ITGA1: variants seen among roughly 807,000 people sequenced by gnomAD.
ITGA1 encodes integrin subunit alpha 1.
A neutral mutation model predicts 145.9 loss-of-function variants in ITGA1; 85 were observed. The ratio of observed to expected loss-of-function variants is 0.58; its 90% CI spans 0.49 to 0.70. The LOEUF (loss-of-function observed/expected upper bound fraction) is 0.70. Among genes scored for constraint, ITGA1 ranks in the 30% least tolerant of loss-of-function variants. The probability of loss-of-function intolerance (pLI) is 0.00; values close to 1 mark genes in which losing one functional copy is unlikely to be tolerated. For missense variants in ITGA1, 1,351 were observed against 1,418.7 expected (o/e 0.95, Z 0.77); for synonymous variants, 520 against 495.3 (o/e 1.05, Z -0.66).
chr5:52,817,537 A>G (rs1580044917), intron 1 of ITGA1, among the ~76,000 whole-genome samples: 1 of 152,248 alleles, frequency 6.6e-6, no homozygotes, highest in East Asian at 1.9e-4. Context: ...GGCCATGTAG[A>G]GATTATCTTC....
intron 8 of ITGA1, 123 bp from the exon 9 acceptor site, chr5:52,893,552 A>C: frequency 2.7e-6 from 2 of 754,236 alleles, no homozygotes; most frequent in Admixed American, 6.5e-5. Context: ...TAAATATGAA[A>C]GTACATAAAA....
intron 7 of ITGA1, among the ~76,000 whole-genome samples, chr5:52,884,871 A>G (rs772816334): frequency 8.5e-5 from 13 of 152,294 alleles, no homozygotes; most frequent in South Asian, 2.1e-4. Flanking sequence ...GACACCAACT[A>G]GAGTTTATGC....
intron 6 of ITGA1, among the ~76,000 whole-genome samples, chr5:52,877,862 G>A (rs1749891918): frequency 6.6e-6 from 1 of 152,216 alleles, no homozygotes; most frequent in Non-Finnish European, 1.5e-5. Context: ...TAGGAATGCA[G>A]GGACACAGTT....
chr5:52,928,768 T>C (rs1489898595), intron 20 of ITGA1, among the ~76,000 whole-genome samples: 1 of 152,208 alleles, frequency 6.6e-6, no homozygotes, highest in Non-Finnish European at 1.5e-5. Flanking sequence ...GTTGACTTTA[T>C]AGAGAGAAAA....
chr5:52,912,750 A>ATG (rs1290275331), intron 14 of ITGA1, among the ~76,000 whole-genome samples: 3 of 144,722 alleles, frequency 2.1e-5, no homozygotes, highest in African/African-American at 8.0e-5. Flanking sequence ...GTATATATAT[A>ATG]TATATTTTTT....
At chr5:52,920,668 A>C (rs1407925946) in intron 17 of ITGA1, among the ~76,000 whole-genome samples, 200 bp downstream of exon 17, 1 of 152,218 alleles carries the variant, frequency 6.6e-6, no homozygotes, top group Non-Finnish European at 1.5e-5. Flanking sequence ...AACTATCTCT[A>C]GTCTTCCCTG....
intron 18 of ITGA1, among the ~76,000 whole-genome samples, chr5:52,923,966 A>G (rs778134331): frequency 3.9e-5 from 6 of 152,192 alleles, no homozygotes; most frequent in Non-Finnish European, 7.3e-5. Context: ...TGCTCTGAGA[A>G]TAGAAATGAG....
chr5:52,893,974 A>T, intron 9 of ITGA1, 134 bp downstream of exon 9: 1 of 619,058 alleles, frequency 1.6e-6, no homozygotes, highest in Admixed American at 3.0e-5. Flanking sequence ...CTAGCATGGA[A>T]CAATGCTCTT....
At chr5:52,790,463 A>G (rs551246100) in intron 1 of ITGA1, among the ~76,000 whole-genome samples, 155 of 152,332 alleles carry the variant, frequency 1.0e-3, no homozygotes, top group African/African-American at 3.7e-3. Flanking sequence ...GGCTAGAATC[A>G]AGATGTCACC....
chr5:52,876,141 G>T (rs932049316), intron 6 of ITGA1, among the ~76,000 whole-genome samples: 1 of 152,010 alleles, frequency 6.6e-6, no homozygotes, highest in African/African-American at 2.4e-5. Flanking sequence ...TCATCACTTG[G>T]CTCACTTTTT....
intron 2 of ITGA1, among the ~76,000 whole-genome samples, chr5:52,855,568 C>T (rs1410029483): frequency 6.6e-6 from 1 of 151,976 alleles, no homozygotes; most frequent in Non-Finnish European, 1.5e-5. Context: ...AGCTTATATT[C>T]TACTGGGGAA....
intron 5 of ITGA1, among the ~76,000 whole-genome samples, 189 bp downstream of exon 5, chr5:52,865,271 G>T (rs1749669347): frequency 6.6e-6 from 1 of 152,196 alleles, no homozygotes; most frequent in Non-Finnish European, 1.5e-5. Flanking sequence ...TGATATTAGT[G>T]TAAATAACTT....
At chr5:52,901,040 A>G (rs1333537659) in intron 11 of ITGA1, among the ~76,000 whole-genome samples, 1 of 152,220 alleles carries the variant, frequency 6.6e-6, no homozygotes, top group Admixed American at 6.5e-5. Flanking sequence ...GGGACTTTTC[A>G]GATATGATGA....
intron 14 of ITGA1, 30 bp downstream of exon 14, chr5:52,910,449 C>A (rs780362929): frequency 6.3e-7 from 1 of 1,598,210 alleles, no homozygotes; most frequent in African/African-American, 1.3e-5. Context: ...GATTCCCACC[C>A]TTCAGTGATA....
chr5:52,860,805 G>GT (rs1190518052), intron 2 of ITGA1, among the ~76,000 whole-genome samples: 3 of 152,120 alleles, frequency 2.0e-5, no homozygotes, highest in Non-Finnish European at 4.4e-5. Flanking sequence ...GTGATTATAT[G>GT]TTTTTTCCAT....
intron 28 of ITGA1, among the ~76,000 whole-genome samples, chr5:52,949,620 C>G (rs958760695): frequency 6.6e-6 from 1 of 152,188 alleles, no homozygotes; most frequent in Admixed American, 6.5e-5. Context: ...GGGTAGGGCT[C>G]TTTACTCTGG....
At chr5:52,852,746 A>T (rs1165760409) in intron 2 of ITGA1, among the ~76,000 whole-genome samples, 1 of 152,176 alleles carries the variant, frequency 6.6e-6, no homozygotes, top group Non-Finnish European at 1.5e-5. Context: ...TTTGCAGCCC[A>T]CTTGCAACCC....
intron 1 of ITGA1, among the ~76,000 whole-genome samples, chr5:52,843,810 C>T (rs1580057933): frequency 6.6e-6 from 1 of 152,148 alleles, no homozygotes; most frequent in African/African-American, 2.4e-5. Flanking sequence ...TTGCTTCTGT[C>T]ATTAATGCAA....
intron 6 of ITGA1, among the ~76,000 whole-genome samples, chr5:52,869,170 G>GT (rs1749737768): frequency 6.6e-6 from 1 of 152,000 alleles, no homozygotes; most frequent in African/African-American, 2.4e-5. Context: ...CTGTTTGTTT[G>GT]TTTTTTTGAC....
Sources: gnomAD v4.1 joint callset for allele counts (sites outside exome capture counted in the v4.1 genomes callset) on GRCh38, gnomAD v4.1.1 for gene constraint, MANE v1.5 for transcripts, NCBI Gene and HGNC (gene_info 2026-07-23, HGNC 2026-07-21) for gene names.